The following RB1CC1 variants were observed in gnomAD, a reference collection of about 807,000 sequenced individuals.
The protein encoded by RB1CC1 is RB1 inducible coiled-coil 1.
In RB1CC1, 46 loss-of-function variants were observed where a neutral mutation model predicts 177.5. The observed-to-expected ratio is 0.26, with a 90% CI of 0.20 to 0.33. RB1CC1 has a LOEUF of 0.33. Among genes scored for constraint, RB1CC1 ranks in the 10% least tolerant of loss-of-function variants. The pLI is 1.00. For synonymous variants in RB1CC1, 666 were observed against 613.6 expected (o/e 1.09, Z -1.26); for missense variants, 1,703 against 1,816.3 (o/e 0.94, Z 1.13).
intron 1 of RB1CC1, among the ~76,000 whole-genome samples, chr8:52,707,432 CTTTTTTT>C (rs386412758): frequency 7.8e-6 from 1 of 128,850 alleles, no homozygotes; most frequent in East Asian, 2.3e-4. Flanking sequence ...TTCTTTCTTT[CTTTTTTT>C]TTTTTTTTTT....
intron 8 of RB1CC1, among the ~76,000 whole-genome samples, chr8:52,663,041 TA>T (rs760741228): frequency 1.3e-5 from 2 of 152,124 alleles, no homozygotes; most frequent in Non-Finnish European, 2.9e-5. Flanking sequence ...AGTTTTTCAA[TA>T]AATTGAATTT....
chr8:52,676,373 T>C lies in RB1CC1; in HGVS notation c.568A>G (p.Thr190Ala). Reference protein sequence around the residue: ...QSIEDIKLKLTHLGTAVSVMA... With the variant: ...QSIEDIKLKLAHLGTAVSVMA... The stretch of plus-strand genomic sequence containing the variant: ...CCATTTTAATGGCAAACATACTGAG[T>C]AAGTTTTAACTTGATGTCTTCTATG... The change falls in exon 6 of 24, where the codon ACT becomes GCT. Residue 190 changes from threonine to alanine, a missense_variant. This residue lies in a region of RB1CC1 where 315 missense variants were observed against 304.9 expected (regional missense o/e 1.03). Coordinates refer to ENST00000025008, the MANE Select transcript of RB1CC1 (RefSeq NM_014781.5). The C allele has an allele frequency of 3.1e-6, 5 of 1,597,878 alleles. No homozygotes were observed. The highest frequency in any genetic ancestry group is 4.3e-6 in the Non-Finnish European group (5 of 1,170,386).
chr8:52,631,438 G>A (rs1001039523), intron 20 of RB1CC1, among the ~76,000 whole-genome samples: 5 of 152,096 alleles, frequency 3.3e-5, no homozygotes, highest in African/African-American at 9.7e-5. Context: ...AAAGACACCT[G>A]GTGACCATCA....
Position 52,676,477 on chromosome 8 carries a change from G to A in RB1CC1, c.464C>T (p.Ala155Val), listed in dbSNP as rs1853137944. The change falls in exon 6 of 24, where the codon GCC (alanine) becomes GTC (valine). Residue 155 changes from alanine to valine, a missense_variant. Physicochemically the swap from Ala to Val is moderately conservative, Grantham distance 64. Coordinates refer to ENST00000025008, the MANE Select transcript of RB1CC1 (RefSeq NM_014781.5). ...TGAATTTGAACAGTCCTCCAGGTTGGCCATGATTGCAGCCCAGCCTTGGTG... is the reference window on the plus strand; with the variant it reads ...TGAATTTGAACAGTCCTCCAGGTTGACCATGATTGCAGCCCAGCCTTGGTG... ...LQHQGWAAIM[A>V]NLEDCSNSYQ... The A allele has an allele frequency of 6.2e-7, 1 of 1,613,462 alleles. No homozygotes were observed. The highest frequency in any genetic ancestry group is 8.5e-7 in the Non-Finnish European group (1 of 1,179,634).
intron 5 of RB1CC1, among the ~76,000 whole-genome samples, chr8:52,682,329 C>A (rs113314474): frequency 6.6e-6 from 1 of 152,104 alleles, no homozygotes; most frequent in African/African-American, 2.4e-5. Context: ...TCTTCAGCCA[C>A]GAGGAACTGT....
In RB1CC1 at chr8:52,653,622, C is replaced by A. The variant is rs1850822153; in HGVS notation, c.3821+2386G>T. ...CTAGGAGGAGGAGATTATTGGTGCT[C>A]ATGTGACAGAGTTTGGGCCCAATGG... is the stretch of plus-strand genomic sequence containing the variant. On this transcript the variant is annotated intron_variant, in intron 15 of 23. Transcript: ENST00000025008. 2.6e-5 allele frequency among the ~76,000 whole-genome samples: 4 copies of A among 152,098 alleles called. No individual in the cohort carries two copies. The South Asian group carries it at 8.3e-4, about 32-fold the overall frequency.
chr8:52,679,423 G>A (rs557760174), intron 5 of RB1CC1, among the ~76,000 whole-genome samples: 1 of 152,142 alleles, frequency 6.6e-6, no homozygotes, highest in Non-Finnish European at 1.5e-5. Context: ...ACTGTTTATT[G>A]TTTATGTAAA....
chr8:52,695,597 G>A (rs1855325114), intron 1 of RB1CC1, among the ~76,000 whole-genome samples: 1 of 152,178 alleles, frequency 6.6e-6, no homozygotes. Flanking sequence ...GGACAGTACA[G>A]GATCAAGCCA....
chr8:52,702,792 C>T (rs1158763459), intron 1 of RB1CC1, among the ~76,000 whole-genome samples: 1 of 151,908 alleles, frequency 6.6e-6, no homozygotes, highest in Non-Finnish European at 1.5e-5. Context: ...TCTAAATTTC[C>T]ATTCTCTAAT....
At position 52,658,690 on chromosome 8, in the gene RB1CC1, C is replaced by A. The variant is rs146208737; in HGVS notation, c.1793+183G>T. ...GTAAGGCATGTCTTCCTTTACTTTA[C>A]CTTCATTTTCCATCATTTTTTATTC... On this transcript the variant is annotated intron_variant, in intron 13 of 23. Transcript: ENST00000025008. Among the ~76,000 whole-genome samples, 151 of 151,712 alleles carry A rather than the reference C, an allele frequency of 1.0e-3. 6 individuals are homozygous for A. The East Asian group carries it at 0.02, about 20-fold the overall frequency.
rs577482381 is a variant in RB1CC1 at position 52,627,906 on chromosome 8, A to G, written c.4636+126T>C. The G allele has an allele frequency of 1.3e-5, 10 of 757,272 alleles. No homozygotes were observed. The African/African-American group carries it at 1.7e-4, about 13-fold the overall frequency. 46.9% of individuals were successfully genotyped at this position (757,272 alleles called of 1,614,324 possible). Reference sequence around the variant, plus strand: ...CTAGATAATACAGATTTTATAAAAAAGCAGATTACACAGGGTTCCCTCTTA... The same window carrying G: ...CTAGATAATACAGATTTTATAAAAAGGCAGATTACACAGGGTTCCCTCTTA... On this transcript the variant is annotated intron_variant, in intron 22 of 23. Coordinates refer to ENST00000025008, the MANE Select transcript of RB1CC1 (RefSeq NM_014781.5).
At chr8:52,647,419 G>A (rs1243969070) in intron 15 of RB1CC1, among the ~76,000 whole-genome samples, 1 of 152,082 alleles carries the variant, frequency 6.6e-6, no homozygotes, top group Non-Finnish European at 1.5e-5. Context: ...TACTTTTAAA[G>A]TTTCTCCTTT....
At position 52,656,938 on chromosome 8, in the gene RB1CC1, T is replaced by A. The variant is rs774540050; in HGVS notation, c.2891A>T (p.Lys964Met). The change falls in exon 15 of 24, where the codon AAG (lysine) becomes ATG (methionine). Residue 964 changes from lysine (K) to methionine (M), a missense_variant. Transcript: ENST00000025008. ...CTTCTCATCATTTTCAACATGGAGC[T>A]TTTTTAAGTCTTCTAACACTATTTC... Reference protein sequence around the residue: ...SREIVLEDLKKLHVENDEKLQ... With the variant: ...SREIVLEDLKMLHVENDEKLQ... 2.5e-6 allele frequency: 4 copies of A among 1,613,384 alleles called. No individual in the cohort carries two copies. The highest frequency in any genetic ancestry group is 1.7e-6 in the Non-Finnish European group (2 of 1,179,938).
rs1429171526 is a variant in RB1CC1 at position 52,668,008 on chromosome 8, C to CT, written c.1173+12dup. The CT allele has an allele frequency of 8.7e-6, 14 of 1,601,556 alleles. No homozygotes were observed. Among genetic ancestry groups the CT allele is most frequent in the Non-Finnish European group, 9.4e-6 (11 of 1,174,780 alleles). ...ATAAATTCCTTTTCCTGAGAAAAGTCTAAAATAGGTACCTGAGCAAGCTCT... is the reference window on the plus strand; with the variant it reads ...ATAAATTCCTTTTCCTGAGAAAAGTCTTAAAATAGGTACCTGAGCAAGCTCT... On this transcript the variant is annotated intron_variant, in intron 8 of 23. Transcript: ENST00000025008.
At chr8:52,688,802 G>A (rs1854536293) in intron 1 of RB1CC1, among the ~76,000 whole-genome samples, 1 of 152,138 alleles carries the variant, frequency 6.6e-6, no homozygotes, top group African/African-American at 2.4e-5. Context: ...CTGTCCTACC[G>A]ATATGTGATG....
intron 18 of RB1CC1, among the ~76,000 whole-genome samples, chr8:52,639,869 T>C (rs1849428459): frequency 1.3e-5 from 2 of 152,216 alleles, no homozygotes; most frequent in Non-Finnish European, 2.9e-5. Flanking sequence ...TAAAATTGTC[T>C]TCAGGATTCC....
chr8:52,670,542 T>C (rs1417746909), intron 7 of RB1CC1, among the ~76,000 whole-genome samples: 1 of 152,224 alleles, frequency 6.6e-6, no homozygotes, highest in East Asian at 1.9e-4. Context: ...AGATCACAAG[T>C]TGTCTGAAAG....
At chr8:52,681,166 A>ATT (rs111700987) in intron 5 of RB1CC1, among the ~76,000 whole-genome samples, 10 of 147,800 alleles carry the variant, frequency 6.8e-5, no homozygotes, top group African/African-American at 2.2e-4. Flanking sequence ...TAATTTTTGC[A>ATT]TTTTTTTTTT....
At chr8:52,684,319 T>C (rs1591079358) in intron 3 of RB1CC1, among the ~76,000 whole-genome samples, 2 of 152,200 alleles carry the variant, frequency 1.3e-5, no homozygotes, top group Admixed American at 6.5e-5. Flanking sequence ...GTCTAACACA[T>C]GTGAAGATTC....
Sources: allele counts gnomAD v4.1 joint callset (sites outside exome capture counted in the v4.1 genomes callset), GRCh38; gene constraint gnomAD v4.1.1; regional missense constraint gnomAD v4.1.1; transcripts MANE v1.5; gene names NCBI Gene and HGNC (gene_info 2026-07-23, HGNC 2026-07-21).